Variants in DDAH1 observed in about 807,000 individuals in gnomAD.
The protein encoded by DDAH1 is dimethylarginine dimethylaminohydrolase 1.
Under a neutral mutation model 28.8 loss-of-function variants are expected in DDAH1, and 19 were observed. The observed-to-expected ratio is 0.66, with a 90% CI of 0.46 to 0.97. The LOEUF (loss-of-function observed/expected upper bound fraction) is 0.97, where lower values mean the gene tolerates loss of function less well. Ranked by LOEUF, DDAH1 falls within the 50% of genes least tolerant of loss-of-function variation. The pLI, the probability that DDAH1 is intolerant of heterozygous loss-of-function variation, is 0.00. For missense variants in DDAH1, 326 were observed against 375.9 expected (o/e 0.87, Z 1.10); for synonymous variants, 153 against 154.4 (o/e 0.99, Z 0.07).
chr1:85,526,114 G>A (rs1479188605), intron 1 of DDAH1, among the ~76,000 whole-genome samples: 1 of 152,176 alleles, frequency 6.6e-6, no homozygotes, highest in Non-Finnish European at 1.5e-5. Flanking sequence ...TAACAGATAT[G>A]GTGACAAAGG....
chr1:85,460,718 T>A (rs186335493), intron 1 of DDAH1, among the ~76,000 whole-genome samples: 40 of 152,310 alleles, frequency 2.6e-4, no homozygotes, highest in Admixed American at 6.5e-4. Context: ...GGACAGAAAC[T>A]CAAGAAATTG....
intron 1 of DDAH1, among the ~76,000 whole-genome samples, chr1:85,402,193 G>A (rs1570491031): frequency 1.2e-5 from 1 of 82,194 alleles, no homozygotes; most frequent in Non-Finnish European, 2.6e-5. Context: ...GTACAGACAG[G>A]GTCTCACTAC....
At chr1:85,535,957 G>A (rs1280981269) in intron 1 of DDAH1, among the ~76,000 whole-genome samples, 1 of 152,206 alleles carries the variant, frequency 6.6e-6, no homozygotes, top group Non-Finnish European at 1.5e-5. Flanking sequence ...AATCATCAGG[G>A]AAGTCCAAAT....
chr1:85,467,676 C>T (rs1404886247), upstream of DDAH1: 2 of 152,210 alleles, frequency 1.3e-5, no homozygotes, highest in East Asian at 3.8e-4. Context: ...TTATAGTTTA[C>T]ATGCTTTCAC....
intron 2 of DDAH1, among the ~76,000 whole-genome samples, chr1:85,352,022 C>T (rs568066360): frequency 1.3e-5 from 2 of 152,256 alleles, no homozygotes; most frequent in African/African-American, 2.4e-5. Context: ...ATAATAAACA[C>T]ATTGATAATC....
chr1:85,440,221 G>T (rs1390069008), intron 1 of DDAH1, among the ~76,000 whole-genome samples: 4 of 152,130 alleles, frequency 2.6e-5, no homozygotes, highest in Non-Finnish European at 5.9e-5. Flanking sequence ...GCATAATTAA[G>T]GTACTTTTAA....
At chr1:85,406,197 C>G (rs57527592) in intron 1 of DDAH1, among the ~76,000 whole-genome samples, 1 of 152,150 alleles carries the variant, frequency 6.6e-6, no homozygotes, top group African/African-American at 2.4e-5. Flanking sequence ...CCAAAAGCCA[C>G]GTTCTATCTC....
At chr1:85,474,365 A>G (rs1484425324) in intron 2 of DDAH1, among the ~76,000 whole-genome samples, 1 of 152,144 alleles carries the variant, frequency 6.6e-6, no homozygotes, top group African/African-American at 2.4e-5. Flanking sequence ...CACATGTTTT[A>G]CCATGGCCCA....
At chr1:85,518,068 CA>C (rs1171486263) in intron 1 of DDAH1, among the ~76,000 whole-genome samples, 1 of 152,222 alleles carries the variant, frequency 6.6e-6, no homozygotes, top group Non-Finnish European at 1.5e-5. Flanking sequence ...ATGTGTGGCA[CA>C]AGTGATACTT....
intron 1 of DDAH1, among the ~76,000 whole-genome samples, chr1:85,533,542 G>A (rs1296612438): frequency 6.6e-6 from 1 of 151,870 alleles, no homozygotes; most frequent in Non-Finnish European, 1.5e-5. Flanking sequence ...TTTTCAAGGA[G>A]GTAAAAGAGA....
chr1:85,351,840 T>C (rs1022186289), intron 2 of DDAH1, among the ~76,000 whole-genome samples: 1 of 152,170 alleles, frequency 6.6e-6, no homozygotes, highest in African/African-American at 2.4e-5. Context: ...GTTTAATGGA[T>C]AGGAAGTTTC....
intron 1 of DDAH1, among the ~76,000 whole-genome samples, chr1:85,572,765 C>T (rs566281803): frequency 6.6e-6 from 1 of 152,320 alleles, no homozygotes; most frequent in African/African-American, 2.4e-5. Flanking sequence ...ATCCTATCAT[C>T]TCATAGATGA....
At chr1:85,572,142 C>T (rs1342752572) in intron 1 of DDAH1, among the ~76,000 whole-genome samples, 1 of 152,182 alleles carries the variant, frequency 6.6e-6, no homozygotes, top group Non-Finnish European at 1.5e-5. Context: ...TCTGTTCTGA[C>T]ACATCTCTTT....
In DDAH1 at chr1:85,361,933, G is replaced by C. The variant is rs187431168; in HGVS notation, c.304-3086C>G. ...TCATTAAATACATACAAGTCACACA[G>C]TATTTGCTGAATAAATATTGTATTT... On this transcript the variant is annotated intron_variant, in intron 1 of 5. Coordinates refer to ENST00000284031, the MANE Select transcript of DDAH1 (RefSeq NM_012137.4). Among the ~76,000 whole-genome samples the C allele has an allele frequency of 1.2e-3, 177 of 152,252 alleles. 1 individual carries two copies. Among genetic ancestry groups the C allele is most frequent in the African/African-American group, 4.2e-3 (174 of 41,540 alleles).
At chr1:85,558,844 G>C (rs1161523555) in intron 1 of DDAH1, among the ~76,000 whole-genome samples, 3 of 151,942 alleles carry the variant, frequency 2.0e-5, no homozygotes, top group African/African-American at 7.2e-5. Flanking sequence ...AGAATTTTTT[G>C]CTCTGCTTTT....
At chr1:85,379,860 A>G (rs1650885747) in intron 1 of DDAH1, 1 of 285,048 alleles carries the variant, frequency 3.5e-6, no homozygotes, top group Non-Finnish European at 5.3e-6. Context: ...ACTGGAAAGG[A>G]TCTTGAACCC....
At chr1:85,349,865 G>A (rs1383292756) in intron 4 of DDAH1, among the ~76,000 whole-genome samples, 5 of 152,180 alleles carry the variant, frequency 3.3e-5, no homozygotes, top group African/African-American at 1.2e-4. Flanking sequence ...ACCTGGGCAA[G>A]TCTAATTTTC....
chr1:85,546,986 C>T lies in DDAH1; in HGVS notation c.-123+30998G>A, dbSNP rs189652204. ...GAGCTGCACTATAAATTACCCTGTA[C>T]TCTGGGGATTGAGTTAGACCCACAG... is the stretch of plus-strand genomic sequence containing the variant. On this transcript the variant is annotated intron_variant, in intron 1 of 6. Transcript: ENST00000426972. 3.1e-3 allele frequency among the ~76,000 whole-genome samples: 471 copies of T among 152,198 alleles called. 2 individuals carry two copies. Among genetic ancestry groups the T allele is most frequent in the Non-Finnish European group, 4.6e-3 (310 of 67,996 alleles).
chr1:85,382,833 GAAC>G (rs1185981152), intron 1 of DDAH1, among the ~76,000 whole-genome samples: 1 of 152,090 alleles, frequency 6.6e-6, no homozygotes, highest in Non-Finnish European at 1.5e-5. Context: ...TCTACAAATG[GAAC>G]AACAAAACTT....
Sources: allele counts gnomAD v4.1 joint callset (sites outside exome capture counted in the v4.1 genomes callset), GRCh38; gene constraint gnomAD v4.1.1; transcripts MANE v1.5; gene names NCBI Gene and HGNC (gene_info 2026-07-23, HGNC 2026-07-21).